CTU2: variants seen among roughly 807,000 people sequenced by gnomAD.
CTU2 encodes cytoplasmic tRNA 2-thiolation protein 2.
In CTU2, 80 loss-of-function variants were observed where a neutral mutation model predicts 64.1. That is an observed-to-expected ratio of 1.25 (90% CI 1.04 to 1.50). The LOEUF (loss-of-function observed/expected upper bound fraction) is 1.50. Ranked by LOEUF, CTU2 falls within the 40% of genes most tolerant of loss-of-function variation. The pLI is 0.00. For synonymous variants in CTU2, 482 were observed against 285.3 expected (o/e 1.69, Z -6.95); for missense variants, 1,110 against 690.2 (o/e 1.61, Z -6.81).
intron 6 of CTU2, 119 bp from the exon 7 acceptor site, chr16:88,712,503 G>T: frequency 6.8e-7 from 1 of 1,469,636 alleles, no homozygotes; most frequent in Non-Finnish European, 9.2e-7. Flanking sequence ...TGGGGGGTGG[G>T]AGGCACCTGC....
In CTU2 at chr16:88,707,158, T is replaced by C; in HGVS notation, c.91T>C (p.Cys31Arg). ...RPSREQKCVKCKEAQPVVVIR... is the reference protein window; with the variant it reads ...RPSREQKCVKRKEAQPVVVIR... ...AAGCCGTGAGCAGAAGTGTGTGAAG[T>C]GCAAGGAAGCGCAGCCCGTTGTGGT... Residue 31 changes from cysteine (C) to arginine (R), a missense_variant, in exon 2 of 15, where the codon TGC (cysteine) becomes CGC (arginine). Transcript: ENST00000453996. The C allele has an allele frequency of 1.2e-6, 2 of 1,613,868 alleles. No homozygotes were observed. Among genetic ancestry groups the C allele is most frequent in the Non-Finnish European group, 1.7e-6 (2 of 1,179,944 alleles).
Position 88,710,220 on chromosome 16 carries a change from C to A in CTU2, c.223-3C>A. On this transcript the variant is annotated splice_polypyrimidine_tract_variant and splice_region_variant and intron_variant, in intron 3 of 14. Coordinates refer to ENST00000453996, the MANE Select transcript of CTU2 (RefSeq NM_001012759.3). Reference sequence around the variant, plus strand: ...GCCCTGAGTGATGTTTTTTCTCCCCCAGGTGCTCTTGGCGTGGTCTGGGGG... The same window carrying A: ...GCCCTGAGTGATGTTTTTTCTCCCCAAGGTGCTCTTGGCGTGGTCTGGGGG... 6.2e-7 allele frequency: 1 copy of A among 1,614,076 alleles called. No individual in the cohort carries two copies. Among genetic ancestry groups the A allele is most frequent in the South Asian group, 1.1e-5 (1 of 91,084 alleles).
chr16:88,712,294 A>G lies in CTU2; in HGVS notation c.364A>G (p.Ser122Gly). Residue 122 changes from serine to glycine, a missense_variant, in exon 6 of 15, where the codon AGC (serine) becomes GGC (glycine). By Grantham distance (56) the Ser-to-Gly change is moderately conservative. Coordinates refer to ENST00000453996, the MANE Select transcript of CTU2 (RefSeq NM_001012759.3). ...FVDEGAACGQ[S>G]LEERSKTLAE... ...TTCAGAGGGAGCAGCCTGTGGCCAGAGCCTAGAGGAGAGATCAAAGACCCT... is the reference window on the plus strand; with the variant it reads ...TTCAGAGGGAGCAGCCTGTGGCCAGGGCCTAGAGGAGAGATCAAAGACCCT... 1 of 1,606,006 alleles carries G rather than the reference A, an allele frequency of 6.2e-7. No homozygotes were observed. Among genetic ancestry groups the G allele is most frequent in the Non-Finnish European group, 8.5e-7 (1 of 1,176,196 alleles).
chr16:88,710,424 A>C (rs1331655338), intron 4 of CTU2, 142 bp downstream of exon 4: 1 of 758,092 alleles, frequency 1.3e-6, no homozygotes, highest in Non-Finnish European at 2.2e-6. Flanking sequence ...GGGTTCTCAG[A>C]TGTGTTCACA....
chr16:88,714,602 T>C lies in CTU2; in HGVS notation c.1217T>C (p.Phe406Ser), dbSNP rs758689750. 2 of 1,612,602 alleles carry C rather than the reference T, an allele frequency of 1.2e-6. No individual in the cohort carries two copies. The highest frequency in any genetic ancestry group is 1.7e-6 in the Non-Finnish European group (2 of 1,179,894). The part of the protein sequence containing the change: ...DVDAADSATA[F>S]GAQTSSRLSQ... ...CTGCTTGCAGACAGTGCCACGGCTT[T>C]TGGGGCTCAGACCTCCTCGCGTCTC... The change falls in exon 12 of 15, where the codon TTT (phenylalanine) becomes TCT (serine). Residue 406 changes from phenylalanine to serine, a missense_variant. Transcript: ENST00000453996.
chr16:88,707,352 CT>C, intron 2 of CTU2, 142 bp downstream of exon 2: 1 of 802,922 alleles, frequency 1.2e-6, no homozygotes, highest in East Asian at 2.7e-5. Context: ...CCTCGTGCCC[CT>C]GGTGTTGAAG....
chr16:88,713,421 C>CG lies in CTU2; in HGVS notation c.848dup (p.Gly284ArgfsTer13). On this transcript the variant is annotated frameshift_variant, in exon 8 of 15. Coordinates refer to ENST00000453996, the MANE Select transcript of CTU2 (RefSeq NM_001012759.3). LOFTEE classifies it high-confidence loss of function. Reference sequence around the variant, plus strand: ...GCTCATGACCAACCTGGCGCTGGGTCGAGGGGCCTTCCTGGCCTGGGATAC... The same window carrying CG: ...GCTCATGACCAACCTGGCGCTGGGTCGGAGGGGCCTTCCTGGCCTGGGATAC... The CG allele has an allele frequency of 6.3e-7, 1 of 1,592,772 alleles. No individual in the cohort carries two copies. The highest frequency in any genetic ancestry group is 2.3e-5 in the East Asian group (1 of 44,172).
chr16:88,710,267 C>T lies in CTU2; in HGVS notation c.267C>T (p.Val89=), dbSNP rs778036046. The change falls in exon 4 of 15, where the codon GTC becomes GTT. Residue 89 remains valine (V), a synonymous_variant. Transcript: ENST00000453996. ...WSGGPSSSSM[V]WQVLEGLSQD... ...GGGGGCCTTCGTCCAGCTCCATGGT[C>T]TGGCAGGTTCTTGAGGTGCGTGTTC... 1 of 1,613,914 alleles carries T rather than the reference C, an allele frequency of 6.2e-7. No homozygotes were observed. Among genetic ancestry groups the T allele is most frequent in the Admixed American group, 1.7e-5 (1 of 60,002 alleles).
At chr16:88,710,518 G>C (rs973357159) in intron 4 of CTU2, 1 of 552,852 alleles carries the variant, frequency 1.8e-6, no homozygotes, top group Non-Finnish European at 3.2e-6. Context: ...GCACAAATCA[G>C]AAGCTGGGTC....
chr16:88,711,696 G>A lies in CTU2; in HGVS notation c.343+1G>A. Reference sequence around the variant, plus strand: ...GTGGCAGGAGTCATCTTTGTTGACGGTATGTGGGGCCATTGCTCCTCCTAG... The same window carrying A: ...GTGGCAGGAGTCATCTTTGTTGACGATATGTGGGGCCATTGCTCCTCCTAG... On this transcript the variant is annotated splice_donor_variant, in intron 5 of 14. Coordinates refer to ENST00000453996, the MANE Select transcript of CTU2 (RefSeq NM_001012759.3). LOFTEE classifies it high-confidence loss of function. The A allele has an allele frequency of 6.2e-7, 1 of 1,608,364 alleles. No individual in the cohort carries two copies. The highest frequency in any genetic ancestry group is 8.5e-7 in the Non-Finnish European group (1 of 1,176,238).
At position 88,715,374 on chromosome 16, in the gene CTU2, A is replaced by T. The variant is rs545779147; in HGVS notation, c.*123A>T. On this transcript the variant is annotated 3_prime_UTR_variant, in exon 15 of 15. Coordinates refer to ENST00000453996, the MANE Select transcript of CTU2 (RefSeq NM_001012759.3). Reference sequence around the variant, plus strand: ...ATTTGTATAAATAAAACATTTTTTAATTAAAAAAAAAACTCTACAGTACAC... The same window carrying T: ...ATTTGTATAAATAAAACATTTTTTATTTAAAAAAAAAACTCTACAGTACAC... The T allele has an allele frequency of 8.5e-6, 10 of 1,180,640 alleles. No homozygotes were observed. The highest frequency in any genetic ancestry group is 3.1e-5 in the African/African-American group (2 of 64,716). The allele number at this position is 1,180,640 out of a possible 1,614,324, so 73.1% of individuals were successfully genotyped here.
In CTU2 at chr16:88,713,628, C is replaced by T. The variant is rs199727823; in HGVS notation, c.874-19C>T. 1.2e-5 allele frequency: 20 copies of T among 1,608,696 alleles called. No individual in the cohort carries two copies. The East Asian group carries it at 3.6e-4, about 29-fold the overall frequency. ...CATTCGGGCCTTGACCTGGACCACA[C>T]AGCCCCTGCCTCCCGCAGGGCTTCT... On this transcript the variant is annotated intron_variant, in intron 8 of 14. Transcript: ENST00000453996.
chr16:88,714,998 A>AG (rs776204216), intron 13 of CTU2, 50 bp from the exon 14 acceptor site: 3 of 1,595,704 alleles, frequency 1.9e-6, no homozygotes, highest in South Asian at 2.2e-5. Flanking sequence ...GGGTGGCTTG[A>AG]GGGGGTGCTG....
chr16:88,710,382 G>C (rs1597425687), intron 4 of CTU2, 100 bp downstream of exon 4: 4 of 1,288,244 alleles, frequency 3.1e-6, no homozygotes, highest in Admixed American at 3.6e-5. Context: ...TGGGGCTAGA[G>C]AGCAGTCCAC....
In CTU2 at chr16:88,714,007, G is replaced by A. The variant is rs1911623421; in HGVS notation, c.1006-129G>A. On this transcript the variant is annotated intron_variant, in intron 9 of 14. Transcript: ENST00000453996. Reference sequence around the variant, plus strand: ...GAAGCGGGTTCTCTGGCTGCCTTGAGCAGTCGCAGCAAAGCCAGACCCATG... The same window carrying A: ...GAAGCGGGTTCTCTGGCTGCCTTGAACAGTCGCAGCAAAGCCAGACCCATG... 2.8e-6 allele frequency: 3 copies of A among 1,078,990 alleles called. No homozygotes were observed. In the African/African-American group the frequency reaches 4.7e-5, roughly 17 times the overall value. The allele number at this position is 1,078,990 out of a possible 1,614,324, so 66.8% of individuals were successfully genotyped here.
At position 88,714,657 on chromosome 16, in the gene CTU2, T is replaced by C; in HGVS notation, c.1272T>C (p.Thr424=). 1 of 1,612,556 alleles carries C rather than the reference T, an allele frequency of 6.2e-7. No homozygotes were observed. Among genetic ancestry groups the C allele is most frequent in the Non-Finnish European group, 8.5e-7 (1 of 1,179,862 alleles). Residue 424 remains threonine, a synonymous_variant, in exon 12 of 15, where the codon ACT becomes ACC. Coordinates refer to ENST00000453996, the MANE Select transcript of CTU2 (RefSeq NM_001012759.3). The part of the protein sequence containing the change: ...LSQMQSPIPL[T]ETRTPPGPCC... ...AGATGCAGTCACCCATCCCCCTGAC[T>C]GAGACCCGGACACCCCCGGGGCCCT...
chr16:88,712,289 G>A lies in CTU2; in HGVS notation c.359G>A (p.Gly120Asp). The A allele has an allele frequency of 6.2e-7, 1 of 1,604,430 alleles. No homozygotes were observed. Among genetic ancestry groups the A allele is most frequent in the Non-Finnish European group, 8.5e-7 (1 of 1,175,428 alleles). ...VIFVDEGAACGQSLEERSKTL... is the reference protein window; with the variant it reads ...VIFVDEGAACDQSLEERSKTL... ...GGTTTTTCAGAGGGAGCAGCCTGTG[G>A]CCAGAGCCTAGAGGAGAGATCAAAG... The change falls in exon 6 of 15, where the codon GGC (glycine) becomes GAC (aspartate). Residue 120 changes from glycine (G) to aspartate (D), a missense_variant. Transcript: ENST00000453996.
Position 88,714,420 on chromosome 16 carries a change from C to CCTG in CTU2, c.1142_1144dup (p.Ala381dup). 2 of 1,612,534 alleles carry CCTG rather than the reference C, an allele frequency of 1.2e-6. No homozygotes were observed. The highest frequency in any genetic ancestry group is 1.7e-5 in the Admixed American group (1 of 60,018). On this transcript the variant is annotated inframe_insertion, in exon 11 of 15. Transcript: ENST00000453996. ...GCTGGTGAAGGGCCCCCGGGATGGC[C>CCTG]CTGCTGCTGGCGACTCCGGCCCCCG...
In CTU2 at chr16:88,707,168, C is replaced by A. The variant is rs769704095; in HGVS notation, c.101C>A (p.Ala34Glu). The change falls in exon 2 of 15, where the codon GCG becomes GAG. Residue 34 changes from alanine (A) to glutamate (E), a missense_variant. Ala to Glu is a moderately radical substitution (Grantham distance 107, BLOSUM62 -1). Coordinates refer to ENST00000453996, the MANE Select transcript of CTU2 (RefSeq NM_001012759.3). ...CAGAAGTGTGTGAAGTGCAAGGAAG[C>A]GCAGCCCGTTGTGGTGATACGAGCC... Reference protein sequence around the residue: ...REQKCVKCKEAQPVVVIRAGD... With the variant: ...REQKCVKCKEEQPVVVIRAGD... 3.7e-6 allele frequency: 6 copies of A among 1,613,832 alleles called. No homozygotes were observed. In the African/African-American group the frequency reaches 5.3e-5, roughly 14 times the overall value.
Sources: allele counts gnomAD v4.1 joint callset, GRCh38; gene constraint gnomAD v4.1.1; transcripts MANE v1.5; gene names NCBI Gene and HGNC (gene_info 2026-07-23, HGNC 2026-07-21).